POC1B: variants seen among roughly 807,000 people sequenced by gnomAD.
POC1B encodes the protein POC1 centriolar protein B.
POC1B carries 44 observed loss-of-function variants against 60.6 expected under a neutral mutation model. The ratio of observed to expected loss-of-function variants is 0.73; its 90% CI spans 0.57 to 0.93. The LOEUF (loss-of-function observed/expected upper bound fraction) is 0.93. POC1B is among the 40% of genes least tolerant of loss of function. The probability of loss-of-function intolerance (pLI) is 0.00; values close to 1 mark genes in which losing one functional copy is unlikely to be tolerated. For synonymous variants in POC1B, 180 were observed against 198.9 expected (o/e 0.90, Z 0.80); for missense variants, 555 against 572.3 (o/e 0.97, Z 0.31).
In POC1B at chr12:89,497,325, T is replaced by C. The variant is rs201749664; in HGVS notation, c.118A>G (p.Thr40Ala). The change falls in exon 3 of 12, where the codon ACC becomes GCC. Residue 40 changes from threonine to alanine, a missense_variant. Thr to Ala is a moderately conservative substitution (Grantham distance 58). Transcript: ENST00000313546. ...GKQLATASWDTFLMLWNFKPH... is the reference protein window; with the variant it reads ...GKQLATASWDAFLMLWNFKPH... ...TTGAAATTCCATAGCATGAGAAAGG[T>C]ATCCCAAGAAGCAGTAGCTATCAAG... The C allele has an allele frequency of 9.3e-6, 15 of 1,612,150 alleles. No homozygotes were observed. In the East Asian group the frequency reaches 3.3e-4, roughly 36 times the overall value.
chr12:89,475,229 TA>T (rs1883056453), intron 4 of POC1B, among the ~76,000 whole-genome samples: 1 of 152,184 alleles, frequency 6.6e-6, no homozygotes, highest in Non-Finnish European at 1.5e-5. Flanking sequence ...CTTGGTCAGC[TA>T]AAAGTGCCTC....
chr12:89,484,557 T>C (rs1161642680), intron 4 of POC1B, among the ~76,000 whole-genome samples: 1 of 152,210 alleles, frequency 6.6e-6, no homozygotes, highest in East Asian at 1.9e-4. Flanking sequence ...AATTGGCACT[T>C]TACATTCATT....
the POC1B span, among the ~76,000 whole-genome samples, chr12:89,404,067 G>A: frequency 6.6e-6 from 1 of 152,010 alleles, no homozygotes; most frequent in South Asian, 2.1e-4. Flanking sequence ...GGGAGGTGGA[G>A]GTTGCGATAA....
intron 9 of POC1B, 44 bp from the exon 10 acceptor site, chr12:89,459,762 A>G: frequency 8.9e-7 from 1 of 1,129,286 alleles, no homozygotes; most frequent in Non-Finnish European, 1.2e-6. Context: ...TTCATACCAT[A>G]AGAAACCAAA....
At chr12:89,484,369 G>C (rs12581312) in intron 4 of POC1B, among the ~76,000 whole-genome samples, 110,915 of 152,094 alleles carry the variant, frequency 0.73, 40,575 homozygotes, top group Middle Eastern at 0.82. Flanking sequence ...ATAAAAGGAC[G>C]TTCTTTTTAA....
chr12:89,464,902 T>A (rs1882629927), intron 9 of POC1B, among the ~76,000 whole-genome samples: 1 of 152,116 alleles, frequency 6.6e-6, no homozygotes, highest in Non-Finnish European at 1.5e-5. Flanking sequence ...CAAAGTGTTT[T>A]ACAAAAGCAA....
At chr12:89,486,890 C>T (rs1868663169) in intron 4 of POC1B, among the ~76,000 whole-genome samples, 1 of 150,592 alleles carries the variant, frequency 6.6e-6, no homozygotes, top group Admixed American at 6.6e-5. Flanking sequence ...CTCTCTTTCT[C>T]TCTCTCTCTC....
At chr12:89,454,410 G>A (rs12581323) in intron 10 of POC1B, among the ~76,000 whole-genome samples, 9,571 of 152,198 alleles carry the variant, frequency 0.063, 804 homozygotes, top group East Asian at 0.42. Context: ...TTCCTAATTA[G>A]TCTCTTTGTC....
intron 10 of POC1B, among the ~76,000 whole-genome samples, chr12:89,431,743 A>C (rs1881039080): frequency 6.6e-6 from 1 of 152,224 alleles, no homozygotes; most frequent in African/African-American, 2.4e-5. Flanking sequence ...GACTGTGTTC[A>C]TTTCCTACTG....
intron 2 of POC1B, chr12:89,524,711 G>A (rs1210563930): frequency 1.4e-6 from 1 of 736,256 alleles, no homozygotes; most frequent in African/African-American, 1.8e-5. Context: ...GGGGTCACCT[G>A]AGCCCTCTCG....
At chr12:89,472,105 G>A in intron 5 of POC1B, 63 bp downstream of exon 5, 1 of 1,083,930 alleles carries the variant, frequency 9.2e-7, no homozygotes, top group Non-Finnish European at 1.4e-6. Context: ...TATTTAAATT[G>A]TTATAATCAA....
At chr12:89,402,749 C>CT in the POC1B span, among the ~76,000 whole-genome samples, 8 of 151,922 alleles carry the variant, frequency 5.3e-5, no homozygotes, top group Non-Finnish European at 1.0e-4. Flanking sequence ...TACATACTTT[C>CT]TTTTTTTTGA....
chr12:89,403,742 C>CT, the POC1B span, among the ~76,000 whole-genome samples: 14 of 152,290 alleles, frequency 9.2e-5, no homozygotes, highest in African/African-American at 3.4e-4. Context: ...GAGCTACACT[C>CT]TATCTCTAAA....
chr12:89,523,614 T>C (rs763724751), intron 2 of POC1B: 1 of 1,554,182 alleles, frequency 6.4e-7, no homozygotes, highest in Admixed American at 2.0e-5. Flanking sequence ...CAGCAAACAG[T>C]CCTCCAGCCA....
At chr12:89,503,995 G>A (rs1380778370) in intron 2 of POC1B, among the ~76,000 whole-genome samples, 3 of 134,274 alleles carry the variant, frequency 2.2e-5, no homozygotes, top group Non-Finnish European at 3.2e-5. Context: ...GGTGGGGGGC[G>A]CCTCTGCCCG....
Position 89,478,942 on chromosome 12 carries a change from C to T in POC1B, c.453-6667G>A, listed in dbSNP as rs534687276. On this transcript the variant is annotated intron_variant, in intron 4 of 11. Transcript: ENST00000313546. Reference sequence around the variant, plus strand: ...AAGAAATGTAAGTTATCCCACAATACGTGCATTGTTTTTAAAAACAAAGGG... The same window carrying T: ...AAGAAATGTAAGTTATCCCACAATATGTGCATTGTTTTTAAAAACAAAGGG... 1.1e-4 allele frequency among the ~76,000 whole-genome samples: 16 copies of T among 152,242 alleles called. No individual in the cohort carries two copies. In the South Asian group the frequency reaches 1.7e-3, roughly 16 times the overall value.
chr12:89,418,551 C>A (rs1880408395), downstream of POC1B, among the ~76,000 whole-genome samples: 1 of 152,124 alleles, frequency 6.6e-6, no homozygotes, highest in Non-Finnish European at 1.5e-5. Context: ...ATGTTGAAAT[C>A]TGATCCCTAC....
intron 9 of POC1B, among the ~76,000 whole-genome samples, chr12:89,463,758 G>C (rs1057223438): frequency 6.6e-6 from 1 of 152,058 alleles, no homozygotes; most frequent in African/African-American, 2.4e-5. Flanking sequence ...TCTTTCATGT[G>C]GCCTCCTTCT....
intron 4 of POC1B, among the ~76,000 whole-genome samples, chr12:89,484,098 T>C (rs1052854298): frequency 3.9e-5 from 6 of 152,208 alleles, no homozygotes; most frequent in Non-Finnish European, 7.3e-5. Context: ...TAAGGATACA[T>C]ATTGTAATCT....
Sources: allele counts gnomAD v4.1 joint callset (sites outside exome capture counted in the v4.1 genomes callset), GRCh38; gene constraint gnomAD v4.1.1; transcripts MANE v1.5; gene names NCBI Gene and HGNC (gene_info 2026-07-23, HGNC 2026-07-21).